The following SH3BP5 variants were observed in gnomAD, a reference collection of about 807,000 sequenced individuals.
The protein encoded by SH3BP5 is SH3 domain-binding protein 5.
In SH3BP5, 22 loss-of-function variants were observed where a neutral mutation model predicts 43.3. That is an observed-to-expected ratio of 0.51 (90% CI 0.36 to 0.73). The LOEUF (loss-of-function observed/expected upper bound fraction) is 0.73, where lower values mean the gene tolerates loss of function less well. Among genes scored for constraint, SH3BP5 ranks in the 30% least tolerant of loss-of-function variants. The pLI, the probability that SH3BP5 is intolerant of heterozygous loss-of-function variation, is 0.00. For synonymous variants in SH3BP5, 255 were observed against 225.8 expected (o/e 1.13, Z -1.16); for missense variants, 529 against 586.9 (o/e 0.90, Z 1.02).
At chr3:15,289,384 C>T (rs1697350865) in intron 3 of SH3BP5, among the ~76,000 whole-genome samples, 1 of 152,098 alleles carries the variant, frequency 6.6e-6, no homozygotes, top group South Asian at 2.1e-4. Flanking sequence ...TCCTTCTGTC[C>T]TGAAATGCAG....
At chr3:15,258,538 T>C (rs1696309451) in intron 7 of SH3BP5, 1 of 444,058 alleles carries the variant, frequency 2.3e-6, no homozygotes, top group African/African-American at 2.0e-5. Flanking sequence ...AGCTCTTCTT[T>C]CCTGCAGGAC....
Position 15,273,208 on chromosome 3 carries a change from T to C in SH3BP5, c.331-3331A>G, listed in dbSNP as rs187883334. 4.0e-4 allele frequency: 392 copies of C among 985,392 alleles called. 4 individuals are homozygous for C. In the African/African-American group the frequency reaches 6.6e-3, roughly 17 times the overall value. The allele number at this position is 985,392 out of a possible 1,614,324, so 61.0% of individuals were successfully genotyped here. ...TTGCCTTTTTAGGAATTTTTTAGTA[T>C]TTCAATTCAGCAACATTTAAGGGTA... On this transcript the variant is annotated intron_variant, in intron 3 of 8. Transcript: ENST00000383791.
At chr3:15,333,505 C>G (rs1201165724), upstream of SH3BP5, among the ~76,000 whole-genome samples, 1 of 152,190 alleles carries the variant, frequency 6.6e-6, no homozygotes, top group Non-Finnish European at 1.5e-5. Context: ...TCAAAGCCAC[C>G]TTACAAAACC....
In SH3BP5 at chr3:15,257,098, A is replaced by G. The variant is rs1342719079; in HGVS notation, c.905T>C (p.Phe302Ser). ...AAAGTTGCTACAGCTGTCATCTTCA[A>G]AGGCCTCCGAGGCCACTAAGTTGAG... ...PDAISVASEA[F>S]EDDSCSNFVS... The change falls in exon 8 of 9, where the codon TTT becomes TCT. Residue 302 changes from phenylalanine (F) to serine (S), a missense_variant. By Grantham distance (155) the Phe-to-Ser change is radical. Coordinates refer to ENST00000383791, the MANE Select transcript of SH3BP5 (RefSeq NM_004844.5). The G allele has an allele frequency of 3.1e-6, 5 of 1,613,932 alleles. No homozygotes were observed. The highest frequency in any genetic ancestry group is 1.3e-5 in the African/African-American group (1 of 74,930).
At chr3:15,320,775 G>A (rs1468536022) in intron 2 of SH3BP5, among the ~76,000 whole-genome samples, 2 of 152,184 alleles carry the variant, frequency 1.3e-5, no homozygotes, top group Non-Finnish European at 2.9e-5. Flanking sequence ...CACAGGGATA[G>A]CAATGAATCC....
At chr3:15,329,371 C>G (rs1177800316) in intron 2 of SH3BP5, among the ~76,000 whole-genome samples, 1 of 152,156 alleles carries the variant, frequency 6.6e-6, no homozygotes, top group Non-Finnish European at 1.5e-5. Context: ...ACATCACAGA[C>G]AGACTCAATT....
At chr3:15,287,402 G>T (rs1476804532) in intron 3 of SH3BP5, among the ~76,000 whole-genome samples, 1 of 152,144 alleles carries the variant, frequency 6.6e-6, no homozygotes, top group Non-Finnish European at 1.5e-5. Flanking sequence ...GGGGCTAAAG[G>T]AAGGGTTCAT....
chr3:15,285,352 C>T (rs1241752958), intron 3 of SH3BP5, among the ~76,000 whole-genome samples: 1 of 152,170 alleles, frequency 6.6e-6, no homozygotes, highest in Non-Finnish European at 1.5e-5. Flanking sequence ...AAAGTCATGT[C>T]ATATGAACGC....
intron 8 of SH3BP5, 76 bp from the exon 9 acceptor site, chr3:15,256,379 C>G: frequency 6.9e-7 from 1 of 1,458,284 alleles, no homozygotes; most frequent in East Asian, 2.3e-5. Flanking sequence ...CAAAGATTAT[C>G]AAAAGTGAGT....
At position 15,283,621 on chromosome 3, in the gene SH3BP5, C is replaced by G. The variant is rs549350993; in HGVS notation, c.331-13744G>C. On this transcript the variant is annotated intron_variant, in intron 3 of 8. Transcript: ENST00000383791. ...ACTCCAGTTGTCCAAAAGTTCTCAT[C>G]TCTAACTTCAGTCTCTTCTGCGATG... 2.0e-5 allele frequency among the ~76,000 whole-genome samples: 3 copies of G among 152,354 alleles called. No homozygotes were observed. The South Asian group carries it at 6.2e-4, about 32-fold the overall frequency.
At chr3:15,272,256 G>C (rs1345005552) in intron 3 of SH3BP5, among the ~76,000 whole-genome samples, 1 of 152,194 alleles carries the variant, frequency 6.6e-6, no homozygotes, top group African/African-American at 2.4e-5. Flanking sequence ...ACCAGACCCA[G>C]ACCCAGCCCT....
chr3:15,301,408 G>T (rs1697748929), intron 3 of SH3BP5, among the ~76,000 whole-genome samples: 1 of 152,140 alleles, frequency 6.6e-6, no homozygotes, highest in Non-Finnish European at 1.5e-5. Context: ...AGCACCTTCT[G>T]TATGCTGGCA....
chr3:15,304,318 A>C (rs1358981378), intron 2 of SH3BP5, 87 bp from the exon 3 acceptor site: 1 of 1,601,930 alleles, frequency 6.2e-7, no homozygotes, highest in Non-Finnish European at 8.5e-7. Flanking sequence ...AAACATCAAC[A>C]AAGGACTTTA....
At position 15,267,949 on chromosome 3, in the gene SH3BP5, C is replaced by A. The variant is rs143781216; in HGVS notation, c.495+1764G>T. ...GAAGAAGGGCAAAAAGGAAAAGTGGCCCTTCAGCTAATTTCTTGGAAGAAG... is the reference window on the plus strand; with the variant it reads ...GAAGAAGGGCAAAAAGGAAAAGTGGACCTTCAGCTAATTTCTTGGAAGAAG... On this transcript the variant is annotated intron_variant, in intron 4 of 8. Transcript: ENST00000383791. Among the ~76,000 whole-genome samples, 1,137 of 152,318 alleles carry A rather than the reference C, an allele frequency of 7.5e-3. 12 individuals are homozygous for A. The highest frequency in any genetic ancestry group is 0.024 in the African/African-American group (1,004 of 41,562).
At chr3:15,269,997 C>T in intron 3 of SH3BP5, 120 bp from the exon 4 acceptor site, 1 of 835,724 alleles carries the variant, frequency 1.2e-6, no homozygotes, top group Non-Finnish European at 1.8e-6. Context: ...TGCCTCTTCA[C>T]TCCTGGCACC....
intron 3 of SH3BP5, among the ~76,000 whole-genome samples, chr3:15,285,560 A>G (rs1697242629): frequency 6.6e-6 from 1 of 152,198 alleles, no homozygotes; most frequent in Non-Finnish European, 1.5e-5. Flanking sequence ...TATGTGAAAA[A>G]ATACTTTGAA....
intron 4 of SH3BP5, among the ~76,000 whole-genome samples, chr3:15,262,774 A>C (rs1195232923): frequency 6.6e-6 from 1 of 152,086 alleles, no homozygotes; most frequent in Non-Finnish European, 1.5e-5. Flanking sequence ...CCTGGCCAAC[A>C]TGGCAAAACC....
intron 2 of SH3BP5, among the ~76,000 whole-genome samples, chr3:15,326,771 C>T (rs911766893): frequency 1.4e-5 from 2 of 147,528 alleles, no homozygotes; most frequent in Non-Finnish European, 3.0e-5. Flanking sequence ...GGTGATTTTG[C>T]TGTTAAAATG....
intron 6 of SH3BP5, 100 bp from the exon 7 acceptor site, chr3:15,259,150 T>A (rs1391406704): frequency 2.1e-6 from 2 of 937,112 alleles, no homozygotes; most frequent in Non-Finnish European, 3.3e-6. Flanking sequence ...ATCATTCTAC[T>A]TCAAGGAATT....
Sources: gnomAD v4.1 joint callset for allele counts (sites outside exome capture counted in the v4.1 genomes callset) on GRCh38, gnomAD v4.1.1 for gene constraint, MANE v1.5 for transcripts, NCBI Gene and HGNC (gene_info 2026-07-23, HGNC 2026-07-21) for gene names.